Variants in KCNMA1 observed in about 807,000 individuals in gnomAD.
KCNMA1 encodes Calcium-activated potassium channel subunit alpha-1.
KCNMA1 carries 29 observed loss-of-function variants against 140.0 expected under a neutral mutation model. That is an observed-to-expected ratio of 0.21 (90% CI 0.15 to 0.28). The LOEUF (loss-of-function observed/expected upper bound fraction) is 0.28. Among genes scored for constraint, KCNMA1 ranks in the 10% least tolerant of loss-of-function variants. The probability of loss-of-function intolerance (pLI) is 1.00; values close to 1 mark genes in which losing one functional copy is unlikely to be tolerated. For missense variants in KCNMA1, 880 were observed against 1,602.2 expected (o/e 0.55, Z 7.70); for synonymous variants, 612 against 611.9 (o/e 1.00, Z 0.00).
At chr10:77,445,089 C>A (rs146325455) in intron 1 of KCNMA1, among the ~76,000 whole-genome samples, 1 of 152,064 alleles carries the variant, frequency 6.6e-6, no homozygotes, top group Non-Finnish European at 1.5e-5. Context: ...AGAATCCCAA[C>A]GGCAAGGACC....
chr10:76,937,437 A>G (rs899983409), intron 23 of KCNMA1, among the ~76,000 whole-genome samples: 2 of 152,244 alleles, frequency 1.3e-5, no homozygotes, highest in African/African-American at 2.4e-5. Flanking sequence ...TGAAACAGTC[A>G]CTGCTCAAAA....
intron 1 of KCNMA1, among the ~76,000 whole-genome samples, chr10:77,605,241 G>T (rs1025760733): frequency 6.6e-6 from 1 of 152,246 alleles, no homozygotes; most frequent in African/African-American, 2.4e-5. Flanking sequence ...GCCAGGGACT[G>T]TCCCGGATGC....
At chr10:77,064,391 G>A (rs967499784) in intron 14 of KCNMA1, among the ~76,000 whole-genome samples, 1 of 152,174 alleles carries the variant, frequency 6.6e-6, no homozygotes, top group African/African-American at 2.4e-5. Flanking sequence ...AAGAAGATGG[G>A]GAAAGGAGTT....
chr10:77,330,866 A>T (rs766395274), intron 2 of KCNMA1, among the ~76,000 whole-genome samples: 1 of 152,220 alleles, frequency 6.6e-6, no homozygotes, highest in African/African-American at 2.4e-5. Flanking sequence ...CCTCACATGT[A>T]AAATGAAAAT....
intron 23 of KCNMA1, among the ~76,000 whole-genome samples, chr10:76,923,733 C>T (rs971884905): frequency 2.6e-5 from 4 of 152,162 alleles, no homozygotes; most frequent in Non-Finnish European, 5.9e-5. Flanking sequence ...CCTGTAATCC[C>T]AGTACTTTGG....
chr10:77,622,610 C>CA (rs1483516406), intron 1 of KCNMA1, among the ~76,000 whole-genome samples: 2 of 151,906 alleles, frequency 1.3e-5, no homozygotes, highest in African/African-American at 4.8e-5. Flanking sequence ...GTTTGTTATC[C>CA]AAAAAAAGAA....
At chr10:77,092,077 C>A (rs1448814227) in intron 9 of KCNMA1, 1 of 152,194 alleles carries the variant, frequency 6.6e-6, no homozygotes, top group Non-Finnish European at 1.5e-5. Flanking sequence ...GATGTCTTAA[C>A]ATGATCACTT....
chr10:77,412,655 C>T (rs947665008), intron 1 of KCNMA1, among the ~76,000 whole-genome samples: 2 of 152,138 alleles, frequency 1.3e-5, no homozygotes, highest in Non-Finnish European at 2.9e-5. Flanking sequence ...TGAGGTGCCC[C>T]AGGGGGGCTG....
At chr10:77,009,448 G>A (rs988056487) in intron 18 of KCNMA1, among the ~76,000 whole-genome samples, 1 of 152,088 alleles carries the variant, frequency 6.6e-6, no homozygotes, top group Non-Finnish European at 1.5e-5. Context: ...TCCTATGAGG[G>A]ACATTCCAAT....
chr10:77,247,405 T>C (rs1255389079), intron 3 of KCNMA1, among the ~76,000 whole-genome samples: 2 of 152,154 alleles, frequency 1.3e-5, no homozygotes, highest in African/African-American at 2.4e-5. Context: ...AGATAAGAAT[T>C]GCTGTTCTTG....
chr10:77,294,589 G>A (rs80010236), intron 2 of KCNMA1, among the ~76,000 whole-genome samples: 3,913 of 152,292 alleles, frequency 0.026, 157 homozygotes, highest in African/African-American at 0.09. Flanking sequence ...TGCATTTGCT[G>A]TTACATTGTT....
chr10:77,254,928 T>G lies in KCNMA1; in HGVS notation c.541-3672A>C, dbSNP rs143475373. ...CATAGAATAAGACAATAACCAAGCATGTAACAAAGCATTGTCCCACACAAG... is the reference window on the plus strand; with the variant it reads ...CATAGAATAAGACAATAACCAAGCAGGTAACAAAGCATTGTCCCACACAAG... On this transcript the variant is annotated intron_variant, in intron 2 of 27. Coordinates refer to ENST00000286628, the MANE Select transcript of KCNMA1 (RefSeq NM_001161352.2). Among the ~76,000 whole-genome samples, 320 of 152,288 alleles carry G rather than the reference T, an allele frequency of 2.1e-3. 2 individuals are homozygous for G. Among genetic ancestry groups the G allele is most frequent in the Middle Eastern group, 6.8e-3 (2 of 294 alleles).
At chr10:77,323,839 G>C (rs1474463439) in intron 2 of KCNMA1, among the ~76,000 whole-genome samples, 5 of 152,174 alleles carry the variant, frequency 3.3e-5, no homozygotes, top group Admixed American at 2.6e-4. Flanking sequence ...GAGGGATTCA[G>C]GGATGACAGT....
At chr10:77,487,244 C>A (rs1214451491) in intron 1 of KCNMA1, among the ~76,000 whole-genome samples, 1 of 152,174 alleles carries the variant, frequency 6.6e-6, no homozygotes, top group Non-Finnish European at 1.5e-5. Flanking sequence ...AACTTCTTTT[C>A]TGTAGGTAAT....
chr10:77,268,802 T>A (rs752294517), intron 2 of KCNMA1, among the ~76,000 whole-genome samples: 1 of 152,184 alleles, frequency 6.6e-6, no homozygotes, highest in Non-Finnish European at 1.5e-5. Context: ...CCATGCAGGA[T>A]GGGCTGGCTC....
intron 19 of KCNMA1, among the ~76,000 whole-genome samples, chr10:76,971,594 C>T (rs994669859): frequency 6.6e-6 from 1 of 152,068 alleles, no homozygotes; most frequent in Non-Finnish European, 1.5e-5. Flanking sequence ...GAGATGAAGG[C>T]AAGAAAGCAC....
intron 9 of KCNMA1, among the ~76,000 whole-genome samples, chr10:77,106,890 G>C (rs1175565600): frequency 1.3e-5 from 2 of 152,172 alleles, no homozygotes; most frequent in African/African-American, 4.8e-5. Flanking sequence ...ATATTGAGGG[G>C]AGGGCTCCAT....
intron 23 of KCNMA1, among the ~76,000 whole-genome samples, chr10:76,918,367 C>T (rs867794350): frequency 6.6e-6 from 1 of 152,186 alleles, no homozygotes; most frequent in Admixed American, 6.5e-5. Flanking sequence ...TCATCCACAG[C>T]CAAAGCTATC....
intron 2 of KCNMA1, 73 bp downstream of exon 2, chr10:77,403,789 C>T (rs2096367661): frequency 1.4e-6 from 2 of 1,459,472 alleles, no homozygotes; most frequent in Non-Finnish European, 1.9e-6. Flanking sequence ...TGGGGAATAT[C>T]ACGTCTCATA....
Sources: gnomAD v4.1 joint callset for allele counts (sites outside exome capture counted in the v4.1 genomes callset) on GRCh38, gnomAD v4.1.1 for gene constraint, MANE v1.5 for transcripts, NCBI Gene and HGNC (gene_info 2026-07-23, HGNC 2026-07-21) for gene names.